Variants in TULP4 observed in about 807,000 individuals in gnomAD.
The protein encoded by TULP4 is TUB like protein 4, also known as tubby-related protein 4.
Under a neutral mutation model 129.0 loss-of-function variants are expected in TULP4, and 16 were observed. The ratio of observed to expected loss-of-function variants is 0.12; its 90% CI spans 0.08 to 0.19. The LOEUF (loss-of-function observed/expected upper bound fraction) is 0.19. Among genes scored for constraint, TULP4 ranks in the 10% least tolerant of loss-of-function variants. The pLI, the probability that TULP4 is intolerant of heterozygous loss-of-function variation, is 1.00. For synonymous variants in TULP4, 998 were observed against 854.0 expected (o/e 1.17, Z -2.94); for missense variants, 1,842 against 2,059.1 (o/e 0.89, Z 2.04).
intron 6 of TULP4, among the ~76,000 whole-genome samples, chr6:158,474,976 G>A (rs1779785383): frequency 6.6e-6 from 1 of 152,208 alleles, no homozygotes; most frequent in Non-Finnish European, 1.5e-5. Flanking sequence ...TTCATTGTCA[G>A]TCCCCTTATA....
rs182359019 is a variant in TULP4, at chr6:158,444,089, G to T, written c.544-4907G>T. Among the ~76,000 whole-genome samples, 206 of 151,730 alleles carry T rather than the reference G, an allele frequency of 1.4e-3. 1 individual carries two copies. The highest frequency in any genetic ancestry group is 6.4e-3 in the Admixed American group (97 of 15,242). ...CAAAAAATTAGCCTGGCGTGGTGGC[G>T]CAAGCCTGTAGTCCCAGCTACTCGG... On this transcript the variant is annotated intron_variant, in intron 3 of 13. Coordinates refer to ENST00000367097, the MANE Select transcript of TULP4 (RefSeq NM_020245.5).
At position 158,489,689 on chromosome 6, in the gene TULP4, T is replaced by A; in HGVS notation, c.1588T>A (p.Ser530Thr). The A allele has an allele frequency of 1.9e-6, 3 of 1,614,080 alleles. No homozygotes were observed. The highest frequency in any genetic ancestry group is 1.7e-6 in the Non-Finnish European group (2 of 1,180,018). Reference protein sequence around the residue: ...ELSDDWAAKKSPKISRASKSP... With the variant: ...ELSDDWAAKKTPKISRASKSP... ...GAGTGATGACTGGGCTGCCAAGAAA[T>A]CTCCCAAAATCTCCAGAGCTAGCAA... is the stretch of plus-strand genomic sequence containing the variant. Residue 530 changes from serine to threonine, a missense_variant, in exon 9 of 14, where the codon TCT becomes ACT. Coordinates refer to ENST00000367097, the MANE Select transcript of TULP4 (RefSeq NM_020245.5).
At chr6:158,473,960 G>T (rs1203676350) in intron 6 of TULP4, among the ~76,000 whole-genome samples, 2 of 152,164 alleles carry the variant, frequency 1.3e-5, no homozygotes, top group Admixed American at 6.5e-5. Flanking sequence ...TAGGACTACA[G>T]GTGTGCACCA....
At chr6:158,453,209 TG>T (rs1465070604) in intron 5 of TULP4, among the ~76,000 whole-genome samples, 1 of 152,148 alleles carries the variant, frequency 6.6e-6, no homozygotes, top group East Asian at 1.9e-4. Flanking sequence ...GGCTCATGCC[TG>T]TAATCCCGGC....
intron 5 of TULP4, among the ~76,000 whole-genome samples, chr6:158,460,146 C>G (rs1246447202): frequency 1.3e-5 from 2 of 152,192 alleles, no homozygotes; most frequent in South Asian, 2.1e-4. Context: ...TTCCCTGGGT[C>G]TGGAAACCTG....
chr6:158,500,176 T>A (rs1213656720), intron 12 of TULP4, among the ~76,000 whole-genome samples: 4 of 152,224 alleles, frequency 2.6e-5, no homozygotes, highest in African/African-American at 9.6e-5. Flanking sequence ...TGGTTCTCAA[T>A]GAGAGGAGGG....
chr6:158,280,084 C>T (rs1031295792), upstream of TULP4, among the ~76,000 whole-genome samples: 5 of 152,176 alleles, frequency 3.3e-5, no homozygotes, highest in East Asian at 5.8e-4. Flanking sequence ...GCGTATTTCT[C>T]GTGTATTCCA....
intron 5 of TULP4, among the ~76,000 whole-genome samples, chr6:158,455,693 C>T (rs1198642765): frequency 2.0e-5 from 3 of 150,758 alleles, no homozygotes; most frequent in Admixed American, 6.6e-5. Context: ...GCTGAGATTG[C>T]GCCATTGCAC....
chr6:158,429,619 A>G (rs372824965), intron 2 of TULP4, 117 bp from the exon 3 acceptor site: 1 of 1,131,448 alleles, frequency 8.8e-7, no homozygotes, highest in South Asian at 1.6e-5. Context: ...CATATGTTAT[A>G]TTTTAAGGCC....
intron 1 of TULP4, among the ~76,000 whole-genome samples, chr6:158,359,254 A>T (rs1055823675): frequency 1.3e-5 from 2 of 152,180 alleles, no homozygotes; most frequent in Admixed American, 1.3e-4. Flanking sequence ...AAGGAAAAAA[A>T]AATCGTTCTT....
chr6:158,430,236 A>G (rs1778597556), intron 3 of TULP4, among the ~76,000 whole-genome samples: 1 of 152,136 alleles, frequency 6.6e-6, no homozygotes, highest in African/African-American at 2.4e-5. Flanking sequence ...AGGAAATGGG[A>G]TGTTTGGTAT....
In TULP4 at chr6:158,252,677, A is replaced by G. The variant is rs113447387; in HGVS notation, n.68+20374A>G. Among the ~76,000 whole-genome samples the G allele has an allele frequency of 1.2e-3, 183 of 152,346 alleles. 1 individual carries two copies. The highest frequency in any genetic ancestry group is 4.2e-3 in the African/African-American group (174 of 41,578). On this transcript the variant is annotated intron_variant and non_coding_transcript_variant, in intron 1 of 1. Transcript: ENST00000620026. Reference sequence around the variant, plus strand: ...GTGTGAGCCACCGCGCCCAGCCAGCATCTTACATAACTAGAGCATTTGTCA... The same window carrying G: ...GTGTGAGCCACCGCGCCCAGCCAGCGTCTTACATAACTAGAGCATTTGTCA...
intron 11 of TULP4, among the ~76,000 whole-genome samples, chr6:158,496,418 GCAT>G (rs1440209277): frequency 6.6e-6 from 1 of 152,206 alleles, no homozygotes; most frequent in Non-Finnish European, 1.5e-5. Flanking sequence ...AAATAGTGCT[GCAT>G]TTGAGTTTTT....
rs1486561251 is a variant in TULP4, at chr6:158,495,765, AG to A, written c.1870+924del. On this transcript the variant is annotated intron_variant, in intron 11 of 13. Transcript: ENST00000367097. ...TGAGGCAGGAGAATCACTTGAACCCAGGGGGCGGAGGTTGCTGTGAGCCGAG... is the reference window on the plus strand; with the variant it reads ...TGAGGCAGGAGAATCACTTGAACCCAGGGGCGGAGGTTGCTGTGAGCCGAG... 4.0e-5 allele frequency among the ~76,000 whole-genome samples: 6 copies of A among 151,868 alleles called. No individual in the cohort carries two copies. The South Asian group carries it at 6.3e-4, about 16-fold the overall frequency.
chr6:158,444,949 C>T (rs891862487), intron 3 of TULP4, among the ~76,000 whole-genome samples: 4 of 152,088 alleles, frequency 2.6e-5, no homozygotes, highest in African/African-American at 9.7e-5. Context: ...GGAGCTAGGA[C>T]TACAGGTGCT....
At chr6:158,262,824 G>A (rs1424063366) in intron 1 of TULP4, among the ~76,000 whole-genome samples, 9 of 152,040 alleles carry the variant, frequency 5.9e-5, no homozygotes, top group African/African-American at 1.7e-4. Flanking sequence ...GAGTGCAGCC[G>A]GTTGTGGACA....
chr6:158,455,132 T>A (rs1779264882), intron 5 of TULP4, among the ~76,000 whole-genome samples: 1 of 22,254 alleles, frequency 4.5e-5, no homozygotes, highest in African/African-American at 4.3e-4. Flanking sequence ...CGGACTGCAA[T>A]GGCGCAATCT....
chr6:158,338,941 A>T (rs1299341451), intron 1 of TULP4, among the ~76,000 whole-genome samples: 1 of 152,196 alleles, frequency 6.6e-6, no homozygotes, highest in Non-Finnish European at 1.5e-5. Context: ...TCATGCAGGT[A>T]TAAGCCCTCC....
At chr6:158,420,018 T>TG (rs1456525582) in intron 2 of TULP4, among the ~76,000 whole-genome samples, 2 of 152,200 alleles carry the variant, frequency 1.3e-5, no homozygotes, top group East Asian at 3.8e-4. Context: ...TTATAAAAAT[T>TG]GATCATATTC....
Sources: gnomAD v4.1 joint callset for allele counts (sites outside exome capture counted in the v4.1 genomes callset) on GRCh38, gnomAD v4.1.1 for gene constraint, MANE v1.5 for transcripts, NCBI Gene and HGNC (gene_info 2026-07-23, HGNC 2026-07-21) for gene names.